SGPL1: variants seen among roughly 807,000 people sequenced by gnomAD.
SGPL1 encodes the protein sphingosine-1-phosphate lyase 1.
In SGPL1, 37 loss-of-function variants were observed where a neutral mutation model predicts 68.9. That is an observed-to-expected ratio of 0.54 (90% CI 0.41 to 0.71). The LOEUF (loss-of-function observed/expected upper bound fraction) is 0.71, where lower values mean the gene tolerates loss of function less well. Ranked by LOEUF, SGPL1 falls within the 30% of genes least tolerant of loss-of-function variation. SGPL1 has a pLI of 0.00. For synonymous variants in SGPL1, 236 were observed against 248.5 expected (o/e 0.95, Z 0.47); for missense variants, 551 against 704.6 (o/e 0.78, Z 2.47).
chr10:70,836,420 G>A (rs1355624440), intron 2 of SGPL1, among the ~76,000 whole-genome samples: 1 of 152,158 alleles, frequency 6.6e-6, no homozygotes, highest in African/African-American at 2.4e-5. Context: ...CTATCAGTTT[G>A]ACTGAGCAAG....
At chr10:70,827,606 T>C (rs930856800) in intron 2 of SGPL1, among the ~76,000 whole-genome samples, 1 of 152,234 alleles carries the variant, frequency 6.6e-6, no homozygotes, top group Non-Finnish European at 1.5e-5. Flanking sequence ...ATTCAGGCTT[T>C]ATGTATCAGC....
intron 7 of SGPL1, chr10:70,866,799 GTTTCATAAAGAC>G (rs1441492165): frequency 6.6e-5 from 10 of 152,312 alleles, no homozygotes; most frequent in African/African-American, 2.4e-4. Context: ...ATGGTCACAT[GTTTCATAAAGAC>G]TTCCTGAGTC....
chr10:70,843,037 G>A (rs1845740152), intron 2 of SGPL1, among the ~76,000 whole-genome samples: 1 of 152,214 alleles, frequency 6.6e-6, no homozygotes, highest in Admixed American at 6.5e-5. Context: ...TGCATTTGCA[G>A]CTACTATCCT....
At chr10:70,864,169 GT>G (rs1282843953) in intron 7 of SGPL1, among the ~76,000 whole-genome samples, 1 of 151,984 alleles carries the variant, frequency 6.6e-6, no homozygotes, top group East Asian at 1.9e-4. Flanking sequence ...TTCCATAATT[GT>G]TTTTTCCATG....
chr10:70,862,367 C>T lies in SGPL1; in HGVS notation c.615+2868C>T, dbSNP rs886152545. On this transcript the variant is annotated intron_variant, in intron 7 of 14. Transcript: ENST00000373202. Reference sequence around the variant, plus strand: ...ATGGGGACGTGGAGAACCTTTGTGTCTAGCTCAGGGATTGTAAACGCACCA... The same window carrying T: ...ATGGGGACGTGGAGAACCTTTGTGTTTAGCTCAGGGATTGTAAACGCACCA... 2.0e-5 allele frequency among the ~76,000 whole-genome samples: 3 copies of T among 152,182 alleles called. No individual in the cohort carries two copies. In the East Asian group the frequency reaches 5.8e-4, roughly 30 times the overall value.
chr10:70,855,865 TAAC>T (rs1487906503), intron 5 of SGPL1, among the ~76,000 whole-genome samples: 1 of 152,234 alleles, frequency 6.6e-6, no homozygotes, highest in Non-Finnish European at 1.5e-5. Context: ...ACAGTGCTAT[TAAC>T]TACACTACAA....
At chr10:70,833,103 T>C (rs1340951240) in intron 2 of SGPL1, among the ~76,000 whole-genome samples, 1 of 152,202 alleles carries the variant, frequency 6.6e-6, no homozygotes, top group South Asian at 2.1e-4. Flanking sequence ...ATGAGTGCAC[T>C]TCTGATGACT....
Position 70,844,493 on chromosome 10 carries a change from A to T in SGPL1, c.48A>T (p.Leu16Phe), listed in dbSNP as rs1203621791. Residue 16 changes from leucine to phenylalanine, a missense_variant, in exon 3 of 15, where the codon TTA (leucine) becomes TTT (phenylalanine). Transcript: ENST00000373202. ...LLMLKAFEPY[L>F]EILEVYSTKA... ...TCTAGAAGGCCTTTGAGCCCTACTTAGAGATTTTGGAAGTATACTCCACAA... is the reference window on the plus strand; with the variant it reads ...TCTAGAAGGCCTTTGAGCCCTACTTTGAGATTTTGGAAGTATACTCCACAA... 6.2e-7 allele frequency: 1 copy of T among 1,613,710 alleles called. No individual in the cohort carries two copies. The highest frequency in any genetic ancestry group is 1.3e-5 in the African/African-American group (1 of 74,918).
At chr10:70,851,477 A>G (rs992119357) in intron 4 of SGPL1, among the ~76,000 whole-genome samples, 24 of 150,944 alleles carry the variant, frequency 1.6e-4, no homozygotes, top group Non-Finnish European at 3.1e-4. Flanking sequence ...CACCAAACAC[A>G]GAATTATCTG....
At chr10:70,831,802 G>A (rs1194031303) in intron 2 of SGPL1, among the ~76,000 whole-genome samples, 6 of 152,256 alleles carry the variant, frequency 3.9e-5, no homozygotes, top group African/African-American at 9.6e-5. Flanking sequence ...TAGACTGACC[G>A]GAAACCCAGC....
intron 7 of SGPL1, among the ~76,000 whole-genome samples, chr10:70,862,081 C>T (rs921291005): frequency 5.3e-5 from 8 of 150,358 alleles, no homozygotes; most frequent in Non-Finnish European, 9.0e-5. Context: ...GCTCCACCCG[C>T]AGCCCCGGTG....
intron 12 of SGPL1, 51 bp downstream of exon 12, chr10:70,873,640 G>A (rs758889896): frequency 7.3e-7 from 1 of 1,374,372 alleles, no homozygotes; most frequent in Admixed American, 1.7e-5. Context: ...TTTTGTCCTA[G>A]TAGGCTCAAG....
In SGPL1 at chr10:70,875,502, A is replaced by G. The variant is rs777266716; in HGVS notation, c.1399A>G (p.Met467Val). Residue 467 changes from methionine (M) to valine (V), a missense_variant, in exon 13 of 15, where the codon ATG (methionine) becomes GTG (valine). Coordinates refer to ENST00000373202, the MANE Select transcript of SGPL1 (RefSeq NM_003901.4). Reference sequence around the variant, plus strand: ...TGACATCTACCGACTATCAAACCTGATGACTGCTAAGGGGTGGAACTTGAA... The same window carrying G: ...TGACATCTACCGACTATCAAACCTGGTGACTGCTAAGGGGTGGAACTTGAA... ...DFDIYRLSNL[M>V]TAKGWNLNQL... 3.8e-5 allele frequency: 62 copies of G among 1,613,492 alleles called. No individual in the cohort carries two copies. Among genetic ancestry groups the G allele is most frequent in the Non-Finnish European group, 5.0e-5 (59 of 1,179,666 alleles).
chr10:70,822,609 G>A lies in SGPL1; in HGVS notation c.27+5729G>A, dbSNP rs180732411. On this transcript the variant is annotated intron_variant, in intron 2 of 14. Transcript: ENST00000373202. ...CCATGCTGTGGGGGAAGGGGAGATAGGGGCCCTCTGAGAAGATGGAATGGT... is the reference window on the plus strand; with the variant it reads ...CCATGCTGTGGGGGAAGGGGAGATAAGGGCCCTCTGAGAAGATGGAATGGT... Among the ~76,000 whole-genome samples the A allele has an allele frequency of 2.9e-4, 44 of 152,300 alleles. No individual in the cohort carries two copies. The East Asian group carries it at 5.6e-3, about 19-fold the overall frequency.
At chr10:70,870,793 T>C (rs1231042215) in intron 9 of SGPL1, among the ~76,000 whole-genome samples, 1 of 152,138 alleles carries the variant, frequency 6.6e-6, no homozygotes, top group Non-Finnish European at 1.5e-5. Context: ...GCCTCTTAGC[T>C]CAATATTATT....
Position 70,847,627 on chromosome 10 carries a change from TA to T in SGPL1, c.193+2999del, listed in dbSNP as rs1008742585. Among the ~76,000 whole-genome samples the T allele has an allele frequency of 6.9e-3, 1,034 of 150,160 alleles. 6 individuals are homozygous for T. The highest frequency in any genetic ancestry group is 0.024 in the African/African-American group (979 of 40,972). ...TTGAACCATACAAAATGTAATTTTG[TA>T]AAAAAAAAATCGTCAAATGTTGACA... On this transcript the variant is annotated intron_variant, in intron 3 of 14. Transcript: ENST00000373202.
chr10:70,874,988 C>G (rs1413085287), intron 12 of SGPL1, among the ~76,000 whole-genome samples: 1 of 152,152 alleles, frequency 6.6e-6, no homozygotes, highest in East Asian at 1.9e-4. Context: ...TTATTAAGAC[C>G]TGCTATACCA....
intron 12 of SGPL1, among the ~76,000 whole-genome samples, chr10:70,874,613 C>T (rs1936009346): frequency 6.6e-6 from 1 of 152,172 alleles, no homozygotes; most frequent in Admixed American, 6.5e-5. Flanking sequence ...ATCCCAGCTA[C>T]TCAGGAGGCT....
chr10:70,846,751 T>C (rs1301007981), intron 3 of SGPL1, among the ~76,000 whole-genome samples: 1 of 152,256 alleles, frequency 6.6e-6, no homozygotes, highest in Non-Finnish European at 1.5e-5. Flanking sequence ...ATTTTAGGTA[T>C]TCTTTTTAAA....
Sources: allele counts gnomAD v4.1 joint callset (sites outside exome capture counted in the v4.1 genomes callset), GRCh38; gene constraint gnomAD v4.1.1; transcripts MANE v1.5; gene names NCBI Gene and HGNC (gene_info 2026-07-23, HGNC 2026-07-21).